The following TMIGD3 variants were observed in gnomAD, a reference collection of about 807,000 sequenced individuals.
TMIGD3 encodes transmembrane and immunoglobulin domain containing 3.
TMIGD3 carries 21 observed loss-of-function variants against 28.1 expected under a neutral mutation model. The observed-to-expected ratio is 0.75, with a 90% confidence interval of 0.53 to 1.08. The LOEUF (loss-of-function observed/expected upper bound fraction) is 1.08. Among genes scored for constraint, TMIGD3 ranks in the 50% least tolerant of loss-of-function variants. TMIGD3 has a pLI of 0.00. For missense variants in TMIGD3, 416 were observed against 435.6 expected, an observed-to-expected ratio of 0.96 and a Z score of 0.40; for synonymous variants, 151 against 162.1, an observed-to-expected ratio of 0.93 and a Z score of 0.52.
chr1:111,495,943 G>C (rs1488407076), intron 1 of TMIGD3, among the ~76,000 whole-genome samples: 5 of 152,190 alleles, frequency 3.3e-5, no homozygotes, highest in African/African-American at 1.2e-4. Flanking sequence ...TTATAAGTGA[G>C]AGCTAAATAA....
chr1:111,535,951 G>A (rs1656625686), intron 1 of TMIGD3, among the ~76,000 whole-genome samples: 1 of 152,194 alleles, frequency 6.6e-6, no homozygotes, highest in Non-Finnish European at 1.5e-5. Context: ...TGGACCTTCA[G>A]TGCACAGACC....
chr1:111,488,151 G>C (rs796572013), intron 3 of TMIGD3, among the ~76,000 whole-genome samples: 10 of 152,110 alleles, frequency 6.6e-5, no homozygotes, highest in African/African-American at 2.4e-4. Context: ...TACCAGGCAC[G>C]TGGGTCATTT....
chr1:111,508,543 G>C (rs1359707563), upstream of TMIGD3, among the ~76,000 whole-genome samples: 1 of 152,152 alleles, frequency 6.6e-6, no homozygotes, highest in Non-Finnish European at 1.5e-5. Context: ...GAAGGCAAAG[G>C]GGTCGAGAAT....
At chr1:111,551,836 G>A (rs558160988) in intron 1 of TMIGD3, among the ~76,000 whole-genome samples, 5 of 151,554 alleles carry the variant, frequency 3.3e-5, no homozygotes, top group South Asian at 2.1e-4. Context: ...GCACTCAGCC[G>A]AGCGGTTTAC....
intron 1 of TMIGD3, among the ~76,000 whole-genome samples, chr1:111,517,220 A>G (rs1655901043): frequency 6.6e-6 from 1 of 152,086 alleles, no homozygotes. Context: ...CTGAGTCCAT[A>G]TCCTTTCTCT....
intron 1 of TMIGD3, among the ~76,000 whole-genome samples, chr1:111,527,775 C>T (rs141723320): frequency 1.3e-5 from 2 of 152,260 alleles, no homozygotes; most frequent in East Asian, 1.9e-4. Context: ...TTTTCATATG[C>T]TTATTTGCCA....
chr1:111,556,361 A>G (rs1470597286), intron 1 of TMIGD3, among the ~76,000 whole-genome samples: 2 of 152,206 alleles, frequency 1.3e-5, no homozygotes, highest in East Asian at 3.8e-4. Flanking sequence ...ATAAAATAGT[A>G]TGGCAGTTTC....
chr1:111,513,071 T>C (rs1200480748), intron 1 of TMIGD3, among the ~76,000 whole-genome samples: 1 of 152,198 alleles, frequency 6.6e-6, no homozygotes, highest in Non-Finnish European at 1.5e-5. Flanking sequence ...AGTTCACAGC[T>C]TCCAGACATT....
chr1:111,490,928 G>A (rs1221787562), intron 1 of TMIGD3, among the ~76,000 whole-genome samples, 166 bp from the exon 2 acceptor site: 2 of 152,182 alleles, frequency 1.3e-5, no homozygotes, highest in African/African-American at 2.4e-5. Context: ...ACTTACTGAC[G>A]GGGCAACCAA....
At chr1:111,486,333 A>G (rs1416093609) in intron 4 of TMIGD3, among the ~76,000 whole-genome samples, 1 of 152,074 alleles carries the variant, frequency 6.6e-6, no homozygotes, top group Non-Finnish European at 1.5e-5. Context: ...TCCTTATGAT[A>G]AATGTCCCCT....
chr1:111,536,673 CAT>C (rs1398307973), intron 1 of TMIGD3, among the ~76,000 whole-genome samples: 1 of 152,154 alleles, frequency 6.6e-6, no homozygotes, highest in East Asian at 1.9e-4. Context: ...TCCTTAGAGT[CAT>C]AGCCATGCTT....
upstream of TMIGD3, chr1:111,504,079 G>A (rs902854062): frequency 5.0e-5 from 49 of 985,312 alleles, no homozygotes; most frequent in Admixed American, 2.8e-3. Context: ...ACGAGTTGAC[G>A]CTTTGCTGAG....
chr1:111,558,141 G>A (rs899435722), intron 1 of TMIGD3, among the ~76,000 whole-genome samples: 1 of 152,052 alleles, frequency 6.6e-6, no homozygotes. Context: ...ACAATAAACA[G>A]ACCAAACTCT....
chr1:111,490,549 T>C (rs1654606544), intron 2 of TMIGD3, 107 bp downstream of exon 2: 3 of 766,908 alleles, frequency 3.9e-6, no homozygotes, highest in East Asian at 2.5e-5. Context: ...ACTCCTTAGA[T>C]GGTTCGAGTT....
At position 111,516,531 on chromosome 1, in the gene TMIGD3, T is replaced by C. The variant is rs564389737; in HGVS notation, c.108-25769A>G. 9.2e-5 allele frequency among the ~76,000 whole-genome samples: 14 copies of C among 152,306 alleles called. No homozygotes were observed. The South Asian group carries it at 2.9e-3, about 32-fold the overall frequency. ...AGGTTAGTGAACTTGAGAGAGCATT[T>C]CTGCCCAGAGAACAGCAGACCCTCC... On this transcript the variant is annotated intron_variant, in intron 1 of 5. Transcript: ENST00000369717.
intron 1 of TMIGD3, chr1:111,501,128 T>C (rs938402934): frequency 6.5e-6 from 1 of 154,028 alleles, no homozygotes; most frequent in Non-Finnish European, 1.4e-5. Context: ...TTCTTGGCAC[T>C]GTTCTGTTTG....
intron 1 of TMIGD3, among the ~76,000 whole-genome samples, chr1:111,523,319 G>C (rs1253287382): frequency 2.0e-5 from 3 of 152,084 alleles, no homozygotes; most frequent in Non-Finnish European, 2.9e-5. Context: ...TCATTTCTGG[G>C]ATAAAGCCCA....
chr1:111,500,232 C>T, intron 1 of TMIGD3: 1 of 1,614,162 alleles, frequency 6.2e-7, no homozygotes. Flanking sequence ...CCGTCTTGAA[C>T]TCCCGTCCAT....
At chr1:111,541,857 A>G (rs1286197118) in intron 1 of TMIGD3, among the ~76,000 whole-genome samples, 1 of 152,194 alleles carries the variant, frequency 6.6e-6, no homozygotes, top group Non-Finnish European at 1.5e-5. Context: ...TGTATCAAGA[A>G]ACTGCGAGTG....
Sources: allele counts gnomAD v4.1 joint callset (sites outside exome capture counted in the v4.1 genomes callset), GRCh38; gene constraint gnomAD v4.1.1; transcripts MANE v1.5; gene names NCBI Gene and HGNC (gene_info 2026-07-23, HGNC 2026-07-21).